The following C6orf141 variants were observed in gnomAD, a reference collection of about 807,000 sequenced individuals.
C6orf141 encodes uncharacterized protein C6orf141.
For missense variants in C6orf141, 361 were observed against 335.8 expected (o/e 1.07, Z -0.59); for synonymous variants, 164 against 140.5 (o/e 1.17, Z -1.18).
chr6:49,554,240 T>C (rs1311249753), downstream of C6orf141, among the ~76,000 whole-genome samples: 2 of 152,200 alleles, frequency 1.3e-5, no homozygotes, highest in African/African-American at 4.8e-5. Flanking sequence ...CAGGTTAGTT[T>C]GTTTTCCCTC....
downstream of C6orf141, among the ~76,000 whole-genome samples, chr6:49,556,748 T>A (rs1170621855): frequency 6.6e-6 from 1 of 152,198 alleles, no homozygotes; most frequent in Non-Finnish European, 1.5e-5. Flanking sequence ...TCTCTATAAC[T>A]GCAGTCAGTA....
rs757941811 is a variant in C6orf141 at position 49,550,766 on chromosome 6, T to C, written c.-27T>C. ...TTTCCGGAGCTCAGCAGGCGCTTGC[T>C]GCTTGAACCGGTCAAAGAAGGAACG... On this transcript the variant is annotated 5_prime_UTR_variant, in exon 1 of 1. Transcript: ENST00000529246. The C allele has an allele frequency of 1.9e-4, 279 of 1,439,270 alleles. 1 individual carries two copies. The highest frequency in any genetic ancestry group is 2.4e-4 in the Non-Finnish European group (266 of 1,095,232). 89.2% of individuals were successfully genotyped at this position (1,439,270 alleles called of 1,614,324 possible).
chr6:49,558,735 T>C (rs1772593515), intron 4 of C6orf141, among the ~76,000 whole-genome samples: 1 of 151,442 alleles, frequency 6.6e-6, no homozygotes, highest in African/African-American at 2.4e-5. Flanking sequence ...CGGGATGGAG[T>C]CTTGCTCTGT....
chr6:49,553,763 T>A (rs894689956), downstream of C6orf141, among the ~76,000 whole-genome samples: 2 of 119,858 alleles, frequency 1.7e-5, no homozygotes, highest in African/African-American at 6.0e-5. Context: ...GGACAATAAA[T>A]AGTATCAACT....
At chr6:49,558,441 G>T (rs1772510876) in intron 4 of C6orf141, among the ~76,000 whole-genome samples, 1 of 151,268 alleles carries the variant, frequency 6.6e-6, no homozygotes, top group Non-Finnish European at 1.5e-5. Flanking sequence ...GAGAGAAGCT[G>T]GCAGTCACTG....
chr6:49,550,721 A>G lies in C6orf141; in HGVS notation c.-72A>G. ...CGGAGCTGCAGCAGAGGCCACACCC[A>G]GGGCTTGGTGGTCCCGCGCTTTCCG... On this transcript the variant is annotated 5_prime_UTR_variant, in exon 1 of 1. Coordinates refer to ENST00000529246, the MANE Select transcript of C6orf141 (RefSeq NM_001145652.2). 1.5e-6 allele frequency: 2 copies of G among 1,318,726 alleles called. No individual in the cohort carries two copies. The highest frequency in any genetic ancestry group is 2.0e-6 in the Non-Finnish European group (2 of 992,726). The allele number at this position is 1,318,726 out of a possible 1,614,324, so 81.7% of individuals were successfully genotyped here. A position where few individuals can be genotyped will look rare whatever the true frequency, so the allele number is the denominator to read the frequency against.
downstream of C6orf141, among the ~76,000 whole-genome samples, chr6:49,556,374 G>A (rs537324954): frequency 6.4e-4 from 98 of 152,288 alleles, no homozygotes; most frequent in Non-Finnish European, 1.2e-3. Flanking sequence ...AAAGATAGAG[G>A]ATATGAATGG....
At chr6:49,553,030 C>G (rs1771001134), downstream of C6orf141, 2 of 152,282 alleles carry the variant, frequency 1.3e-5, no homozygotes, top group African/African-American at 4.8e-5. Flanking sequence ...CTCCAGGGTT[C>G]AAGCGATGCT....
downstream of C6orf141, among the ~76,000 whole-genome samples, chr6:49,556,318 A>C (rs113316408): frequency 1.6e-3 from 250 of 152,354 alleles, no homozygotes; most frequent in African/African-American, 5.7e-3. Context: ...CCATGAAGAT[A>C]ATAATTCATA....
At chr6:49,558,880 T>G (rs922990282) in intron 4 of C6orf141, among the ~76,000 whole-genome samples, 1 of 151,766 alleles carries the variant, frequency 6.6e-6, no homozygotes, top group Non-Finnish European at 1.5e-5. Context: ...GCTAATTTTT[T>G]GTATTTTTAG....
chr6:49,554,671 C>A (rs777990748), downstream of C6orf141, among the ~76,000 whole-genome samples: 29 of 152,120 alleles, frequency 1.9e-4, 1 homozygote, highest in Non-Finnish European at 3.7e-4. Flanking sequence ...CCTGAGCCAC[C>A]ATGCCCGGCC....
At chr6:49,554,598 A>G (rs1003405170), downstream of C6orf141, among the ~76,000 whole-genome samples, 2 of 151,842 alleles carry the variant, frequency 1.3e-5, no homozygotes, top group African/African-American at 4.8e-5. Flanking sequence ...AGCCAGGATG[A>G]TCTCGATCTC....
chr6:49,560,167 T>C (rs115329179), intron 4 of C6orf141, among the ~76,000 whole-genome samples: 34 of 151,886 alleles, frequency 2.2e-4, no homozygotes, highest in African/African-American at 8.2e-4. Context: ...TACACAAAAT[T>C]AGCCAGATGC....
intron 4 of C6orf141, among the ~76,000 whole-genome samples, chr6:49,559,165 C>T (rs1366824803): frequency 2.7e-5 from 1 of 37,370 alleles, no homozygotes; most frequent in Non-Finnish European, 5.5e-5. Context: ...GGTCATTGTC[C>T]ATATATATAT....
At chr6:49,555,660 C>T (rs1045983108), downstream of C6orf141, among the ~76,000 whole-genome samples, 1 of 152,166 alleles carries the variant, frequency 6.6e-6, no homozygotes, top group Non-Finnish European at 1.5e-5. Flanking sequence ...AGGCGCTCGC[C>T]ATCACGCCCG....
rs1162820316 is a variant in C6orf141 at position 49,551,520 on chromosome 6, A to T, written c.728A>T (p.Lys243Ile). The T allele has an allele frequency of 1.3e-6, 2 of 1,550,570 alleles. No individual in the cohort carries two copies. Among genetic ancestry groups the T allele is most frequent in the Non-Finnish European group, 1.7e-6 (2 of 1,146,944 alleles). Residue 243 changes from lysine to isoleucine, a missense_variant, in exon 1 of 1, where the codon AAA becomes ATA. Coordinates refer to ENST00000529246, the MANE Select transcript of C6orf141 (RefSeq NM_001145652.2). Reference sequence around the variant, plus strand: ...CCAGGGACTTGGCTCGAGGAAATTAAACTCTAATGAGTAGCTCGAGAAATG... The same window carrying T: ...CCAGGGACTTGGCTCGAGGAAATTATACTCTAATGAGTAGCTCGAGAAATG... ...PSPGTWLEEI[K>I]L is the part of the protein sequence containing the mutation.
chr6:49,561,311 CTGGTCT>C (rs775955623), intron 4 of C6orf141, among the ~76,000 whole-genome samples: 24 of 152,242 alleles, frequency 1.6e-4, no homozygotes, highest in South Asian at 4.1e-4. Context: ...GTTGGCCAGG[CTGGTCT>C]CAAACTCCTG....
chr6:49,550,854 A>G lies in C6orf141; in HGVS notation c.62A>G (p.Asp21Gly), dbSNP rs368339593. 225 of 1,497,854 alleles carry G rather than the reference A, an allele frequency of 1.5e-4. No individual in the cohort carries two copies. The African/African-American group carries it at 2.9e-3, about 19-fold the overall frequency. 92.8% of individuals were successfully genotyped at this position (1,497,854 alleles called of 1,614,324 possible). A position where few individuals can be genotyped will look rare whatever the true frequency, so the allele number is the denominator to read the frequency against. Residue 21 changes from aspartate (D) to glycine (G), a missense_variant, in exon 1 of 1, where the codon GAC becomes GGC. Physicochemically the swap from Asp to Gly is moderately conservative, Grantham distance 94 (BLOSUM62 -1). Transcript: ENST00000529246. ...RGPQGAANPM[D>G]SSRSLGDLGP... ...CCTCAGGGAGCTGCGAATCCCATGGACTCCTCCCGCAGCCTGGGGGACCTC... is the reference window on the plus strand; with the variant it reads ...CCTCAGGGAGCTGCGAATCCCATGGGCTCCTCCCGCAGCCTGGGGGACCTC...
chr6:49,559,249 T>A (rs1772784679), intron 4 of C6orf141, among the ~76,000 whole-genome samples: 1 of 124,888 alleles, frequency 8.0e-6, no homozygotes. Flanking sequence ...CTTTCATTTA[T>A]GTTAGACCAA....
Sources: gnomAD v4.1 joint callset for allele counts (sites outside exome capture counted in the v4.1 genomes callset) on GRCh38, gnomAD v4.1.1 for gene constraint, MANE v1.5 for transcripts, NCBI Gene and HGNC (gene_info 2026-07-23, HGNC 2026-07-21) for gene names.